TRIO: variants seen among roughly 807,000 people sequenced by gnomAD.
TRIO encodes triple functional domain protein.
TRIO carries 58 observed loss-of-function variants against 351.9 expected under a neutral mutation model. That is an observed-to-expected ratio of 0.16 (90% confidence interval 0.13 to 0.21). The LOEUF (loss-of-function observed/expected upper bound fraction) is 0.21. Among genes scored for constraint, TRIO ranks in the 10% least tolerant of loss-of-function variants. The pLI is 1.00. For missense variants in TRIO, 3,201 were observed against 4,027.8 expected (o/e 0.79, Z 5.56); for synonymous variants, 1,758 against 1,595.7 (o/e 1.10, Z -2.42).
rs376482187 is a variant in TRIO, at chr5:14,312,783, A to T, written c.1501-3730A>T. Among the ~76,000 whole-genome samples the T allele has an allele frequency of 3.3e-5, 5 of 152,292 alleles. No individual in the cohort carries two copies. The East Asian group carries it at 7.7e-4, about 24-fold the overall frequency. On this transcript the variant is annotated intron_variant, in intron 8 of 56. Coordinates refer to ENST00000344204, the MANE Select transcript of TRIO (RefSeq NM_007118.4). ...GTTTTAGCACTTACATTTTATATGA[A>T]TTTTTTTGTCTGCTCTATATAGTCT...
intron 1 of TRIO, among the ~76,000 whole-genome samples, chr5:14,165,480 T>G (rs1486823643): frequency 6.6e-6 from 1 of 152,250 alleles, no homozygotes; most frequent in East Asian, 1.9e-4. Flanking sequence ...ATGGTGTATA[T>G]GTACCACCTT....
At position 14,270,742 on chromosome 5, in the gene TRIO, G is replaced by T. The variant is rs1218221071; in HGVS notation, c.158-83G>T. On this transcript the variant is annotated intron_variant, in intron 1 of 56. Transcript: ENST00000344204. The stretch of plus-strand genomic sequence containing the variant: ...TTTAATGGATGTGGATAAAGCTGCT[G>T]TGTTGGCATTGGATAGAATGGTTAA... 7 of 1,009,082 alleles carry T rather than the reference G, an allele frequency of 6.9e-6. No homozygotes were observed. The Admixed American group carries it at 1.1e-4, about 16-fold the overall frequency. The allele number at this position is 1,009,082 out of a possible 1,614,324, so 62.5% of individuals were successfully genotyped here. A position where few individuals can be genotyped will look rare whatever the true frequency, so the allele number is the denominator to read the frequency against.
intron 33 of TRIO, among the ~76,000 whole-genome samples, chr5:14,410,502 T>G (rs542843604): frequency 6.6e-6 from 1 of 152,374 alleles, no homozygotes; most frequent in Admixed American, 6.5e-5. Flanking sequence ...CTCGAAGTTC[T>G]TTCTGCCCTA....
intron 49 of TRIO, among the ~76,000 whole-genome samples, chr5:14,496,213 A>G (rs1014999556): frequency 6.6e-6 from 1 of 152,228 alleles, no homozygotes; most frequent in African/African-American, 2.4e-5. Context: ...TATATGCACT[A>G]AGAAACCAAA....
chr5:14,264,640 ATCT>A (rs1795553871), intron 1 of TRIO, among the ~76,000 whole-genome samples: 1 of 151,868 alleles, frequency 6.6e-6, no homozygotes, highest in Non-Finnish European at 1.5e-5. Context: ...TCATTAGGGG[ATCT>A]AGGCTTGTTA....
At chr5:14,258,979 G>T (rs533270340) in intron 1 of TRIO, among the ~76,000 whole-genome samples, 1 of 152,194 alleles carries the variant, frequency 6.6e-6, no homozygotes, top group South Asian at 2.1e-4. Context: ...GAGTTCCTAA[G>T]TACCAACCTC....
intron 2 of TRIO, among the ~76,000 whole-genome samples, 183 bp from the exon 3 acceptor site, chr5:14,280,139 T>G (rs1011296450): frequency 3.3e-5 from 5 of 152,096 alleles, no homozygotes; most frequent in Non-Finnish European, 5.9e-5. Context: ...AGCTCAGAGA[T>G]TTTCTCCCAG....
In TRIO at chr5:14,472,624, G is replaced by A. The variant is rs780065387; in HGVS notation, c.5945G>A (p.Arg1982His). The A allele has an allele frequency of 1.6e-5, 26 of 1,614,118 alleles. No homozygotes were observed. The highest frequency in any genetic ancestry group is 1.3e-4 in the East Asian group (6 of 44,886). Residue 1982 changes from arginine to histidine, a missense_variant, in exon 39 of 57, where the codon CGT becomes CAT. Arg to His is a conservative substitution (Grantham distance 29, BLOSUM62 0). Coordinates refer to ENST00000344204, the MANE Select transcript of TRIO (RefSeq NM_007118.4). ...TTGCAAGAACTAGTGGAGACAGAGC[G>A]TGACTATGTGCGGGACCTTGGCTAT... The part of the protein sequence containing the change: ...YVLQELVETE[R>H]DYVRDLGYVV...
intron 18 of TRIO, among the ~76,000 whole-genome samples, chr5:14,370,949 A>G (rs924556146): frequency 3.9e-5 from 6 of 152,220 alleles, no homozygotes; most frequent in African/African-American, 7.2e-5. Context: ...GCGGTCCTCA[A>G]GTTACGATGG....
chr5:14,496,439 C>G (rs1026838908), intron 49 of TRIO, among the ~76,000 whole-genome samples: 3 of 152,214 alleles, frequency 2.0e-5, no homozygotes, highest in African/African-American at 7.2e-5. Context: ...AGAACGCCCT[C>G]TTGCTTGGGA....
chr5:14,389,427 AC>A (rs1746853071), intron 25 of TRIO, 29 bp downstream of exon 25: 2 of 1,521,720 alleles, frequency 1.3e-6, no homozygotes, highest in Non-Finnish European at 1.8e-6. Context: ...GGGAGCAGTT[AC>A]GCTTGAAATC....
intron 1 of TRIO, among the ~76,000 whole-genome samples, chr5:14,170,694 C>T (rs774946038): frequency 3.3e-5 from 5 of 151,910 alleles, no homozygotes; most frequent in Non-Finnish European, 7.4e-5. Context: ...TTAGTCGAGA[C>T]GGGGTTTCAC....
chr5:14,192,569 T>G (rs986795950), intron 1 of TRIO, among the ~76,000 whole-genome samples: 2 of 152,184 alleles, frequency 1.3e-5, no homozygotes, highest in African/African-American at 2.4e-5. Context: ...ATGCTATTAA[T>G]AATATCAGTA....
chr5:14,255,993 G>T (rs1795001842), intron 1 of TRIO, among the ~76,000 whole-genome samples: 1 of 152,164 alleles, frequency 6.6e-6, no homozygotes, highest in African/African-American at 2.4e-5. Context: ...AGAAAAATAA[G>T]GACTGAATGA....
intron 1 of TRIO, among the ~76,000 whole-genome samples, chr5:14,182,875 C>CA (rs1561174220): frequency 2.7e-5 from 4 of 148,088 alleles, no homozygotes; most frequent in African/African-American, 9.9e-5. Flanking sequence ...CCCCCCCCTC[C>CA]ACTTTGCCGT....
chr5:14,355,377 A>G (rs1379106215), intron 11 of TRIO, among the ~76,000 whole-genome samples: 1 of 152,212 alleles, frequency 6.6e-6, no homozygotes, highest in Non-Finnish European at 1.5e-5. Context: ...AATTTTGTCC[A>G]GAGCGTTGCT....
chr5:14,480,188 C>T (rs191051150), intron 43 of TRIO, among the ~76,000 whole-genome samples, 177 bp downstream of exon 43: 141 of 151,392 alleles, frequency 9.3e-4, no homozygotes, highest in Admixed American at 1.8e-3. Context: ...GGTGAGGTGG[C>T]GGGACAGACT....
chr5:14,396,439 T>A (rs1160366806), intron 28 of TRIO, among the ~76,000 whole-genome samples: 1 of 134,330 alleles, frequency 7.4e-6, no homozygotes, highest in Non-Finnish European at 1.6e-5. Flanking sequence ...ATATTTCTAT[T>A]TATCTTTTTT....
chr5:14,403,679 C>T (rs1311133802), intron 31 of TRIO, among the ~76,000 whole-genome samples: 264 of 22,292 alleles, frequency 0.012, 5 homozygotes, highest in African/African-American at 0.052. Context: ...GGTGAGGGTG[C>T]AGGTGGTGGT....
Sources: gnomAD v4.1 joint callset for allele counts (sites outside exome capture counted in the v4.1 genomes callset) on GRCh38, gnomAD v4.1.1 for gene constraint, MANE v1.5 for transcripts, NCBI Gene and HGNC (gene_info 2026-07-23, HGNC 2026-07-21) for gene names.